RASGEF1A: variants seen among roughly 807,000 people sequenced by gnomAD.
RASGEF1A encodes ras-GEF domain-containing family member 1A.
A neutral mutation model predicts 56.4 loss-of-function variants in RASGEF1A; 18 were observed. The observed-to-expected ratio is 0.32, with a 90% confidence interval of 0.22 to 0.47. RASGEF1A has a LOEUF of 0.47. RASGEF1A is among the 20% of genes least tolerant of loss of function. The probability of loss-of-function intolerance (pLI) is 1.00; values close to 1 mark genes in which losing one functional copy is unlikely to be tolerated. For synonymous variants in RASGEF1A, 245 were observed against 242.6 expected (o/e 1.01, Z -0.09); for missense variants, 422 against 627.1 (o/e 0.67, Z 3.49).
intron 1 of RASGEF1A, among the ~76,000 whole-genome samples, chr10:43,252,413 A>G (rs1353559499): frequency 2.0e-5 from 3 of 151,594 alleles, no homozygotes; most frequent in Non-Finnish European, 4.4e-5. Context: ...GTTGGAAGGC[A>G]GGGAGGAAGG....
chr10:43,266,126 G>A (rs7913789), intron 1 of RASGEF1A, among the ~76,000 whole-genome samples: 2 of 152,064 alleles, frequency 1.3e-5, no homozygotes, highest in Non-Finnish European at 2.9e-5. Flanking sequence ...CAGAAATGCA[G>A]GGCACAGGAA....
At chr10:43,199,911 G>A in intron 6 of RASGEF1A, 143 bp from the exon 7 acceptor site, 1 of 769,638 alleles carries the variant, frequency 1.3e-6, no homozygotes, top group Non-Finnish European at 2.1e-6. Flanking sequence ...TTGCTGCCCA[G>A]TGCAGGGCTG....
chr10:43,199,074 G>C lies in RASGEF1A; in HGVS notation c.952+18C>G. 6.2e-7 allele frequency: 1 copy of C among 1,612,928 alleles called. No individual in the cohort carries two copies. The highest frequency in any genetic ancestry group is 8.5e-7 in the Non-Finnish European group (1 of 1,179,338). On this transcript the variant is annotated intron_variant, in intron 8 of 12. Transcript: ENST00000395810. ...GTGGGCCATGCAGCAGCCCCACCCTGGGTGCCCAGTCACTCACAGATGATG... is the reference window on the plus strand; with the variant it reads ...GTGGGCCATGCAGCAGCCCCACCCTCGGTGCCCAGTCACTCACAGATGATG...
At chr10:43,223,829 A>G (rs1840239776) in intron 1 of RASGEF1A, among the ~76,000 whole-genome samples, 2 of 152,092 alleles carry the variant, frequency 1.3e-5, no homozygotes, top group Non-Finnish European at 2.9e-5. Flanking sequence ...TCTTTAAAAA[A>G]ATTATAAAAA....
At chr10:43,220,189 G>C (rs1840189201) in intron 1 of RASGEF1A, among the ~76,000 whole-genome samples, 1 of 152,236 alleles carries the variant, frequency 6.6e-6, no homozygotes, top group Non-Finnish European at 1.5e-5. Context: ...GTAATAATGT[G>C]TTGTGGTCCT....
intron 1 of RASGEF1A, among the ~76,000 whole-genome samples, chr10:43,239,364 T>C (rs1028795426): frequency 2.6e-5 from 4 of 152,204 alleles, no homozygotes; most frequent in Admixed American, 6.5e-5. Flanking sequence ...GTGCTTTCAA[T>C]AGAGTATAGC....
At chr10:43,197,955 T>TA in intron 10 of RASGEF1A, 49 bp downstream of exon 10, 1 of 1,506,762 alleles carries the variant, frequency 6.6e-7, no homozygotes, top group Non-Finnish European at 9.1e-7. Context: ...GCGGCTCCAG[T>TA]AGCTCAGACA....
At chr10:43,198,669 AC>A (rs1839840066) in intron 9 of RASGEF1A, among the ~76,000 whole-genome samples, 1 of 152,086 alleles carries the variant, frequency 6.6e-6, no homozygotes, top group Admixed American at 6.5e-5. Context: ...TTCCAACACA[AC>A]CCCACTCTTG....
intron 1 of RASGEF1A, among the ~76,000 whole-genome samples, chr10:43,216,234 A>G (rs529445448): frequency 1.3e-5 from 2 of 152,114 alleles, no homozygotes; most frequent in East Asian, 3.9e-4. Context: ...TCCCACCACC[A>G]CCGCCATTGC....
intron 1 of RASGEF1A, among the ~76,000 whole-genome samples, chr10:43,251,785 C>A (rs1027143035): frequency 1.3e-5 from 2 of 152,208 alleles, no homozygotes; most frequent in Non-Finnish European, 2.9e-5. Context: ...ACAGCCACCC[C>A]TCCAGGACTG....
At chr10:43,265,450 G>A (rs555177631) in intron 1 of RASGEF1A, among the ~76,000 whole-genome samples, 263 of 152,282 alleles carry the variant, frequency 1.7e-3, no homozygotes, top group African/African-American at 5.9e-3. Context: ...TGCTGCACCC[G>A]CCTCGCTGGG....
intron 1 of RASGEF1A, among the ~76,000 whole-genome samples, chr10:43,235,256 C>T (rs537678956): frequency 2.0e-5 from 3 of 152,232 alleles, no homozygotes; most frequent in African/African-American, 7.2e-5. Flanking sequence ...TGGGCAGGAG[C>T]CCACCGGCCA....
intron 1 of RASGEF1A, among the ~76,000 whole-genome samples, chr10:43,262,256 T>C (rs1564546157): frequency 6.6e-6 from 1 of 152,138 alleles, no homozygotes; most frequent in Non-Finnish European, 1.5e-5. Context: ...CCACGGAAGC[T>C]ACTCTTTGTT....
At chr10:43,241,395 G>T (rs1840496344) in intron 1 of RASGEF1A, among the ~76,000 whole-genome samples, 1 of 152,192 alleles carries the variant, frequency 6.6e-6, no homozygotes, top group Admixed American at 6.5e-5. Context: ...GCACAAAGGA[G>T]AGGAGAGGCA....
Position 43,196,896 on chromosome 10 carries a change from G to A in RASGEF1A, c.1348+80C>T, listed in dbSNP as rs1032117421. On this transcript the variant is annotated intron_variant, in intron 11 of 12. Transcript: ENST00000395810. This position sits in a 1 kb window ranked among gnomAD's most constrained non-coding sequence, Gnocchi z 4.6. ...GGAGCAGCCAGCAGGCCATCTCCCA[G>A]GGCAACCCCAAAGAGCACCGGGCCT... 1.3e-5 allele frequency: 20 copies of A among 1,556,498 alleles called. No individual in the cohort carries two copies. In the African/African-American group the frequency reaches 2.6e-4, roughly 20 times the overall value.
At chr10:43,229,513 G>A (rs1014985623) in intron 1 of RASGEF1A, 17 of 714,616 alleles carry the variant, frequency 2.4e-5, no homozygotes, top group Admixed American at 1.9e-4. Flanking sequence ...GGCGGCGCGC[G>A]GGTCCTCAGG....
intron 2 of RASGEF1A, 47 bp from the exon 3 acceptor site, chr10:43,203,467 C>T (rs2133186803): frequency 4.8e-6 from 7 of 1,473,128 alleles, no homozygotes; most frequent in Non-Finnish European, 6.3e-6. Flanking sequence ...TGAGGCAGGC[C>T]CCCGGGGGCT....
intron 1 of RASGEF1A, chr10:43,208,972 C>T: frequency 1.0e-6 from 1 of 985,536 alleles, no homozygotes; most frequent in Non-Finnish European, 1.2e-6. Flanking sequence ...AGCACTTCCA[C>T]TGCGGGGTCC....
intron 1 of RASGEF1A, among the ~76,000 whole-genome samples, chr10:43,238,195 A>G (rs189880146): frequency 2.0e-5 from 3 of 151,604 alleles, no homozygotes; most frequent in East Asian, 1.9e-4. Flanking sequence ...ATGTCGACTT[A>G]AAGGGGTCTT....
Sources: allele counts gnomAD v4.1 joint callset (sites outside exome capture counted in the v4.1 genomes callset), GRCh38; gene constraint gnomAD v4.1.1; non-coding constraint Gnocchi (gnomAD v3.1); transcripts MANE v1.5; gene names NCBI Gene and HGNC (gene_info 2026-07-23, HGNC 2026-07-21).